The following FAT1 variants were observed in gnomAD, a reference collection of about 807,000 sequenced individuals.
FAT1 encodes FAT atypical cadherin 1, also known as protocadherin Fat 1.
Under a neutral mutation model 329.8 loss-of-function variants are expected in FAT1, and 171 were observed. That is an observed-to-expected ratio of 0.52 (90% CI 0.46 to 0.59). FAT1 has a LOEUF of 0.59. FAT1 is among the 20% of genes least tolerant of loss of function. The probability of loss-of-function intolerance (pLI) is 0.00; values close to 1 mark genes in which losing one functional copy is unlikely to be tolerated. For synonymous variants in FAT1, 2,233 were observed against 2,228.6 expected, an observed-to-expected ratio of 1.00 and a Z score of -0.06; for missense variants, 5,672 against 5,774.4, an observed-to-expected ratio of 0.98 and a Z score of 0.57.
At chr4:186,679,416 CAAAAAAAAA>C (rs1169141587) in intron 2 of FAT1, among the ~76,000 whole-genome samples, 1,848 of 50,318 alleles carry the variant, frequency 0.037, 52 homozygotes, top group African/African-American at 0.1. Context: ...GACTCTGTCT[CAAAAAAAAA>C]AAAAAAAAAA....
chr4:186,669,726 T>C (rs557497069), intron 2 of FAT1, among the ~76,000 whole-genome samples: 6 of 152,152 alleles, frequency 3.9e-5, no homozygotes, highest in Non-Finnish European at 7.4e-5. Flanking sequence ...TTAACCAAGA[T>C]AGTTGAAAAT....
intron 26 of FAT1, among the ~76,000 whole-genome samples, chr4:186,591,404 T>C (rs1181257290): frequency 6.6e-6 from 1 of 152,356 alleles, no homozygotes; most frequent in South Asian, 2.1e-4. Flanking sequence ...TACGCCGGCA[T>C]TTAGGTAACA....
rs2126395498 is a variant in FAT1 at position 186,597,132 on chromosome 4, G to C, written c.12408C>G (p.Cys4136Trp). 6.2e-7 allele frequency: 1 copy of C among 1,613,374 alleles called. No homozygotes were observed. Among genetic ancestry groups the C allele is most frequent in the Non-Finnish European group, 8.5e-7 (1 of 1,179,594 alleles). The change falls in exon 25 of 27, where the codon TGC becomes TGG. Residue 4136 changes from cysteine (C) to tryptophan (W), a missense_variant. Cys to Trp is a radical substitution (Grantham distance 215). Transcript: ENST00000441802. ...SDIDECSGNPCLHGALCENTH... is the reference protein window; with the variant it reads ...SDIDECSGNPWLHGALCENTH... ...TGTTCTCACAGAGGGCCCCGTGCAGGCAAGGGTTTCCAGAGCACTCGTCGA... is the reference window on the plus strand; with the variant it reads ...TGTTCTCACAGAGGGCCCCGTGCAGCCAAGGGTTTCCAGAGCACTCGTCGA...
rs1368305695 is a variant in FAT1 at position 186,620,491 on chromosome 4, A to G, written c.6095T>C (p.Leu2032Pro). 1.2e-6 allele frequency: 2 copies of G among 1,614,044 alleles called. No individual in the cohort carries two copies. Among genetic ancestry groups the G allele is most frequent in the Admixed American group, 1.7e-5 (1 of 60,020 alleles). The change falls in exon 10 of 27, where the codon CTG (leucine) becomes CCG (proline). Residue 2032 changes from leucine to proline, a missense_variant. Physicochemically the swap from Leu to Pro is moderately conservative, Grantham distance 98. Around this residue, in one of 2 missense-constraint regions of FAT1, gnomAD observed 3,966 missense variants for 3,915.2 expected, o/e 1.01. Coordinates refer to ENST00000441802, the MANE Select transcript of FAT1 (RefSeq NM_005245.4). Reference protein sequence around the residue: ...RFKISRTSGVLSTTGTPFDRE... With the variant: ...RFKISRTSGVPSTTGTPFDRE... ...ATCGAAGGGCGTGCCAGTGGTTGAC[A>G]GAACTCCTGAAGTGCGGCTTATTTT...
chr4:186,708,271 C>T lies in FAT1; in HGVS notation c.1557G>A (p.Val519=), dbSNP rs772729307. ...CGTAGTCCAGGTTTTCTGACGTACT[C>T]ACGGCACCAGTGAAATGGTCAATCG... ...PFAIDHFTGA[V]STSENLDYEL... is the part of the protein sequence containing the mutation. The change falls in exon 2 of 27, where the codon GTG becomes GTA. Residue 519 remains valine, a synonymous_variant. Coordinates refer to ENST00000441802, the MANE Select transcript of FAT1 (RefSeq NM_005245.4). The T allele has an allele frequency of 6.2e-7, 1 of 1,613,976 alleles. No individual in the cohort carries two copies. Among genetic ancestry groups the T allele is most frequent in the South Asian group, 1.1e-5 (1 of 91,084 alleles).
chr4:186,715,240 TCCCACCACAGCC>T (rs1452367119), intron 1 of FAT1, among the ~76,000 whole-genome samples: 1 of 150,736 alleles, frequency 6.6e-6, no homozygotes, highest in African/African-American at 2.5e-5. Flanking sequence ...AGGTGCTCAG[TCCCACCACAGCC>T]CCCACCACCA....
rs767799722 is a variant in FAT1 at position 186,706,800 on chromosome 4, C to T, written c.3028G>A (p.Val1010Ile). The T allele has an allele frequency of 6.2e-7, 1 of 1,613,998 alleles. No individual in the cohort carries two copies. Among genetic ancestry groups the T allele is most frequent in the South Asian group, 1.1e-5 (1 of 91,078 alleles). ...ACATAGCAAGTAGAAGACAGAGAAA[C>T]TGGCTTTCCCTTGTCTTTGGCCCTC... ...TVRAKDKGKP[V>I]SLSSTCYVEV... is the part of the protein sequence containing the mutation. Residue 1010 changes from valine to isoleucine, a missense_variant, in exon 2 of 27, where the codon GTT (valine) becomes ATT (isoleucine). Val to Ile is a conservative substitution (Grantham distance 29). Coordinates refer to ENST00000441802, the MANE Select transcript of FAT1 (RefSeq NM_005245.4).
At chr4:186,665,971 G>A (rs1040643637) in intron 2 of FAT1, among the ~76,000 whole-genome samples, 8 of 147,306 alleles carry the variant, frequency 5.4e-5, no homozygotes, top group African/African-American at 7.6e-5. Flanking sequence ...TCACTCACAG[G>A]TGGGAATTGA....
intron 11 of FAT1, among the ~76,000 whole-genome samples, chr4:186,616,531 A>G (rs1739720679): frequency 6.6e-6 from 1 of 152,028 alleles, no homozygotes; most frequent in Non-Finnish European, 1.5e-5. Flanking sequence ...CCTTGGAGGG[A>G]GCAGCCCTTC....
intron 3 of FAT1, among the ~76,000 whole-genome samples, chr4:186,659,723 C>T (rs1220050213): frequency 2.0e-5 from 3 of 150,074 alleles, no homozygotes; most frequent in Non-Finnish European, 4.4e-5. Flanking sequence ...GCACTCTACA[C>T]ACACAAGCCG....
At chr4:186,686,069 A>G (rs553595284) in intron 2 of FAT1, among the ~76,000 whole-genome samples, 4 of 152,240 alleles carry the variant, frequency 2.6e-5, no homozygotes, top group Non-Finnish European at 5.9e-5. Context: ...GCTGTAATCA[A>G]CCAACTGTTC....
chr4:186,699,900 G>A (rs1301837051), intron 2 of FAT1, among the ~76,000 whole-genome samples: 6 of 152,128 alleles, frequency 3.9e-5, no homozygotes, highest in Non-Finnish European at 5.9e-5. Flanking sequence ...AGTTGTACAC[G>A]GTAGGTAATA....
intron 2 of FAT1, among the ~76,000 whole-genome samples, chr4:186,681,740 GC>G (rs1375965222): frequency 1.3e-5 from 2 of 152,302 alleles, no homozygotes; most frequent in Non-Finnish European, 2.9e-5. Flanking sequence ...AGTGAGGTCT[GC>G]CACAAACTTT....
Position 186,609,398 on chromosome 4 carries a change from T to C in FAT1, c.10069-78A>G, listed in dbSNP as rs1257297542. ...TATTACACAAAATTTGTGATATTAA[T>C]AGCTTAGCTGTTTCTTTTTGTTGTT... is the stretch of plus-strand genomic sequence containing the variant. On this transcript the variant is annotated intron_variant, in intron 15 of 26. Transcript: ENST00000441802. The C allele has an allele frequency of 1.1e-5, 17 of 1,495,674 alleles. No homozygotes were observed. In the East Asian group the frequency reaches 3.7e-4, roughly 32 times the overall value. 92.7% of individuals were successfully genotyped at this position (1,495,674 alleles called of 1,614,324 possible). A position where few individuals can be genotyped will look rare whatever the true frequency, so the allele number is the denominator to read the frequency against.
In FAT1 at chr4:186,619,903, G is replaced by A. The variant is rs766985723; in HGVS notation, c.6683C>T (p.Thr2228Ile). Residue 2228 changes from threonine to isoleucine, a missense_variant, in exon 10 of 27, where the codon ACT becomes ATT. Coordinates refer to ENST00000441802, the MANE Select transcript of FAT1 (RefSeq NM_005245.4). Reference protein sequence around the residue: ...ITDGDPFSQFTINFNTGVINV... With the variant: ...ITDGDPFSQFIINFNTGVINV... Reference sequence around the variant, plus strand: ...GATAACTCCAGTATTGAAGTTAATAGTGAACTGGCTGAAAGGGTCTCCGTC... The same window carrying A: ...GATAACTCCAGTATTGAAGTTAATAATGAACTGGCTGAAAGGGTCTCCGTC... The A allele has an allele frequency of 7.4e-6, 12 of 1,613,996 alleles. No individual in the cohort carries two copies. In the East Asian group the frequency reaches 1.1e-4, roughly 15 times the overall value.
chr4:186,713,812 CA>C (rs1745083403), intron 1 of FAT1, among the ~76,000 whole-genome samples: 1 of 152,050 alleles, frequency 6.6e-6, no homozygotes, highest in Non-Finnish European at 1.5e-5. Flanking sequence ...TTTAGACTGA[CA>C]GAATTTTACA....
rs2126503881 is a variant in FAT1 at position 186,619,275 on chromosome 4, A to G, written c.7311T>C (p.His2437=). The G allele has an allele frequency of 6.2e-7, 1 of 1,614,018 alleles. No homozygotes were observed. The change falls in exon 10 of 27, where the codon CAT becomes CAC. Residue 2437 remains histidine, a synonymous_variant. Transcript: ENST00000441802. ...TCCCTGTTGCACTGTCAATGACAAA[A>G]TGTTTATGATCATTGCCAGACAGAA... ...YSILSGNDHK[H]FVIDSATGII... is the part of the protein sequence containing the mutation.
chr4:186,601,174 A>T, intron 21 of FAT1, 95 bp downstream of exon 21: 1 of 1,126,288 alleles, frequency 8.9e-7, no homozygotes, highest in Non-Finnish European at 1.2e-6. Flanking sequence ...CATTTCACTT[A>T]CTTTATTATC....
Position 186,617,125 on chromosome 4 carries a change from G to A in FAT1, c.8955C>T (p.Asp2985=), listed in dbSNP as rs1378002022. Residue 2985 remains aspartate (D), a synonymous_variant, in exon 11 of 27, where the codon GAC becomes GAT. Transcript: ENST00000441802. Reference sequence around the variant, plus strand: ...GAAGGTAATTGTCCCTTTTTTCCCTGTCTAGAGGTTTCTTCACATATACCT... The same window carrying A: ...GAAGGTAATTGTCCCTTTTTTCCCTATCTAGAGGTTTCTTCACATATACCT... ...EWKVYVKKPL[D]REKRDNYLLT... The A allele has an allele frequency of 1.2e-6, 2 of 1,613,702 alleles. No homozygotes were observed. Among genetic ancestry groups the A allele is most frequent in the Admixed American group, 1.7e-5 (1 of 59,996 alleles).
Sources: allele counts gnomAD v4.1 joint callset (sites outside exome capture counted in the v4.1 genomes callset), GRCh38; gene constraint gnomAD v4.1.1; regional missense constraint gnomAD v4.1.1; transcripts MANE v1.5; gene names NCBI Gene and HGNC (gene_info 2026-07-23, HGNC 2026-07-21).